Variants in TASOR2 observed in about 807,000 individuals in gnomAD.
TASOR2 encodes the protein transcription activation suppressor family member 2.
A neutral mutation model predicts 199.5 loss-of-function variants in TASOR2; 84 were observed. That is an observed-to-expected ratio of 0.42 (90% confidence interval 0.35 to 0.50). TASOR2 has a LOEUF of 0.50. Among genes scored for constraint, TASOR2 ranks in the 20% least tolerant of loss-of-function variants. TASOR2 has a pLI of 0.02. For synonymous variants in TASOR2, 1,103 were observed against 1,046.6 expected (o/e 1.05, Z -1.04); for missense variants, 2,796 against 2,835.9 (o/e 0.99, Z 0.32).
rs1838689100 is a variant in TASOR2, at chr10:5,706,900, G to T, written c.-287-5923G>T. Among the ~76,000 whole-genome samples, 1 of 152,056 alleles carries T rather than the reference G, an allele frequency of 6.6e-6. No homozygotes were observed. Among genetic ancestry groups the T allele is most frequent in the Non-Finnish European group, 1.5e-5 (1 of 68,020 alleles). Reference sequence around the variant, plus strand: ...CACTTGTAATCCCAGCTACACGGGAGGCCGAGGCAAGAGAGTTGCTTGAAC... The same window carrying T: ...CACTTGTAATCCCAGCTACACGGGATGCCGAGGCAAGAGAGTTGCTTGAAC... On this transcript the variant is annotated intron_variant, in intron 1 of 20. Coordinates refer to ENST00000328090, the Ensembl canonical transcript of TASOR2. This position sits in a 1 kb window ranked among gnomAD's most constrained non-coding sequence, Gnocchi z 4.8.
intron 10 of TASOR2, among the ~76,000 whole-genome samples, chr10:5,729,377 C>T (rs1009174946): frequency 1.3e-5 from 2 of 151,086 alleles, no homozygotes; most frequent in African/African-American, 2.4e-5. Flanking sequence ...ACAAAAAGAC[C>T]AGAGCAATAA....
intron 11 of TASOR2, among the ~76,000 whole-genome samples, chr10:5,731,790 C>G (rs1185587117): frequency 6.6e-6 from 1 of 152,204 alleles, no homozygotes; most frequent in Non-Finnish European, 1.5e-5. Flanking sequence ...ATGTTCCATT[C>G]TAAGAAAGAC....
At chr10:5,724,932 A>G (rs952740618) in intron 8 of TASOR2, among the ~76,000 whole-genome samples, 2 of 152,110 alleles carry the variant, frequency 1.3e-5, no homozygotes, top group Non-Finnish European at 2.9e-5. Context: ...AGTTACAACA[A>G]TATACTGTAA....
chr10:5,689,156 A>T lies in TASOR2; in HGVS notation c.-288+3981A>T, dbSNP rs957932098. Among the ~76,000 whole-genome samples the T allele has an allele frequency of 6.6e-6, 1 of 152,224 alleles. No individual in the cohort carries two copies. The highest frequency in any genetic ancestry group is 1.5e-5 in the Non-Finnish European group (1 of 68,044). On this transcript the variant is annotated intron_variant, in intron 1 of 20. Coordinates refer to ENST00000328090, the Ensembl canonical transcript of TASOR2. The surrounding 1 kb of genome is among the most constrained non-coding windows in gnomAD (Gnocchi z 4.1). The stretch of plus-strand genomic sequence containing the variant: ...AAGTTGGCAATTGTTTTCTTTTAAC[A>T]TGCTGAAGCTCTTATTCCTCTGTCT...
chr10:5,720,100 G>C lies in TASOR2; in HGVS notation c.-99-444G>C, dbSNP rs1338222120. On this transcript the variant is annotated intron_variant, in intron 3 of 20. Coordinates refer to ENST00000328090, the Ensembl canonical transcript of TASOR2. This position sits in a 1 kb window ranked among gnomAD's most constrained non-coding sequence, Gnocchi z 5.3. Reference sequence around the variant, plus strand: ...TTCATGGATAATCAAAACTATTTTTGGCCTTAAGATAATTGTTTTTCTAAG... The same window carrying C: ...TTCATGGATAATCAAAACTATTTTTCGCCTTAAGATAATTGTTTTTCTAAG... 6.6e-6 allele frequency among the ~76,000 whole-genome samples: 1 copy of C among 152,058 alleles called. No individual in the cohort carries two copies. The highest frequency in any genetic ancestry group is 1.5e-5 in the Non-Finnish European group (1 of 67,998).
intron 8 of TASOR2, 190 bp from the exon 10 acceptor site, chr10:5,726,695 A>G: frequency 1.7e-6 from 1 of 592,166 alleles, no homozygotes; most frequent in Non-Finnish European, 3.0e-6. Flanking sequence ...TATAGACCCA[A>G]CAGGGCCAAG....
intron 11 of TASOR2, among the ~76,000 whole-genome samples, chr10:5,732,151 G>A (rs1834906100): frequency 6.6e-6 from 1 of 152,236 alleles, no homozygotes; most frequent in South Asian, 2.1e-4. Context: ...TTAATGTATT[G>A]GCAAATGTAT....
rs1835901352 is a variant in TASOR2, at chr10:5,687,190, TAATA to T, written c.-288+2018_-288+2021del. 6.6e-6 allele frequency among the ~76,000 whole-genome samples: 1 copy of T among 152,230 alleles called. No individual in the cohort carries two copies. Among genetic ancestry groups the T allele is most frequent in the South Asian group, 2.1e-4 (1 of 4,834 alleles). ...TAATGGTATATTTCATAACAAAAAT[TAATA>T]AAAGCTTTAGAAACTTTAGTTAGTT... On this transcript the variant is annotated intron_variant, in intron 1 of 20. Coordinates refer to ENST00000328090, the Ensembl canonical transcript of TASOR2. This position sits in a 1 kb window ranked among gnomAD's most constrained non-coding sequence, Gnocchi z 4.8.
intron 1 of TASOR2, among the ~76,000 whole-genome samples, chr10:5,693,503 C>CTCTGTTTTG (rs1836748145): frequency 6.6e-6 from 1 of 152,096 alleles, no homozygotes; most frequent in South Asian, 2.1e-4. Flanking sequence ...TTAATAGGGT[C>CTCTGTTTTG]ACTTTGTTTT....
At chr10:5,724,400 TAAG>T in intron 7 of TASOR2, 27 bp from the exon 9 acceptor site, 4 of 1,196,768 alleles carry the variant, frequency 3.3e-6, no homozygotes, top group Admixed American at 2.3e-5. Flanking sequence ...GTATTAAAAA[TAAG>T]AAATGTTTTT....
At chr10:5,713,946 A>G (rs1832255073) in intron 2 of TASOR2, 189 bp from the exon 3 acceptor site, 1 of 355,270 alleles carries the variant, frequency 2.8e-6, no homozygotes, top group Non-Finnish European at 5.0e-6. Context: ...CATGCCTGTA[A>G]TCTCAGCATT....
At chr10:5,753,760 A>G (rs572142350) in intron 15 of TASOR2, among the ~76,000 whole-genome samples, 8 of 152,298 alleles carry the variant, frequency 5.3e-5, no homozygotes, top group South Asian at 4.1e-4. Flanking sequence ...GCAGCACTGT[A>G]GTTGAAAAGT....
intron 12 of TASOR2, 76 bp from the exon 14 acceptor site, chr10:5,739,542 C>G: frequency 3.7e-6 from 5 of 1,369,258 alleles, no homozygotes; most frequent in Non-Finnish European, 5.0e-6. Flanking sequence ...GTTGAATTAA[C>G]CATCATAGTA....
At chr10:5,749,288 T>C in exon 15 of TASOR2, 2 of 1,614,250 alleles carry the variant, frequency 1.2e-6, no homozygotes, top group Non-Finnish European at 1.7e-6. Flanking sequence ...AACTGTGGCC[T>C]GCCCAGCTCC....
At position 5,742,307 on chromosome 10, in the gene TASOR2, A is replaced by G; in HGVS notation, c.2538A>G (p.Lys846=). Residue 846 remains lysine (K), a synonymous_variant, in exon 14 of 21, where the codon AAA becomes AAG. Coordinates refer to ENST00000328090, the Ensembl canonical transcript of TASOR2. This position sits in a 1 kb window ranked among gnomAD's most constrained non-coding sequence, Gnocchi z 4.2. ...TTGAGGAGTCCCTTGGTTTGGAAAA[A>G]TGTTCTGCAGACTCTCTGTTGGAGA... The G allele has an allele frequency of 6.2e-7, 1 of 1,614,160 alleles. No individual in the cohort carries two copies. Among genetic ancestry groups the G allele is most frequent in the South Asian group, 1.1e-5 (1 of 91,080 alleles).
chr10:5,758,108 CAT>C (rs1205333929), intron 17 of TASOR2, among the ~76,000 whole-genome samples: 2 of 152,184 alleles, frequency 1.3e-5, no homozygotes, highest in African/African-American at 4.8e-5. Context: ...CTTATTTAAT[CAT>C]CTACTTGAAA....
Position 5,740,413 on chromosome 10 carries a change from A to C in TASOR2, c.2243A>C (p.Lys748Thr). 1 of 1,614,210 alleles carries C rather than the reference A, an allele frequency of 6.2e-7. No homozygotes were observed. Among genetic ancestry groups the C allele is most frequent in the Non-Finnish European group, 8.5e-7 (1 of 1,180,044 alleles). The change falls in exon 13 of 21, where the codon AAA (lysine) becomes ACA (threonine). Residue 748 changes from lysine (K) to threonine (T), a missense_variant. This residue lies in a region of TASOR2 where 847 missense variants were observed against 887.4 expected (regional missense o/e 0.95). Transcript: ENST00000328090. The surrounding 1 kb of genome is among the most constrained non-coding windows in gnomAD (Gnocchi z 5.3). Reference sequence around the variant, plus strand: ...GATGACTCCGTTAAGATCACTTTCAAATGTGAAACAGAATATGCATTCAGT... The same window carrying C: ...GATGACTCCGTTAAGATCACTTTCACATGTGAAACAGAATATGCATTCAGT...
intron 10 of TASOR2, among the ~76,000 whole-genome samples, chr10:5,727,718 A>G (rs1433701228): frequency 1.3e-5 from 2 of 152,186 alleles, no homozygotes; most frequent in African/African-American, 4.8e-5. Context: ...TCTTCCTCCT[A>G]TCTGTCAAAC....
At position 5,701,375 on chromosome 10, in the gene TASOR2, T is replaced by G. The variant is rs1478741833; in HGVS notation, c.-287-11448T>G. On this transcript the variant is annotated intron_variant, in intron 1 of 20. Transcript: ENST00000328090. This position sits in a 1 kb window ranked among gnomAD's most constrained non-coding sequence, Gnocchi z 4.9. ...CCAGTGCTGTAGCTTTGTAGTAAAT[T>G]TTGAAGTCAGGTAGTGTGATGCCTC... Among the ~76,000 whole-genome samples, 1 of 152,154 alleles carries G rather than the reference T, an allele frequency of 6.6e-6. No homozygotes were observed. The highest frequency in any genetic ancestry group is 1.5e-5 in the Non-Finnish European group (1 of 68,014).
Sources: allele counts gnomAD v4.1 joint callset (sites outside exome capture counted in the v4.1 genomes callset), GRCh38; gene constraint gnomAD v4.1.1; regional missense constraint gnomAD v4.1.1; non-coding constraint Gnocchi (gnomAD v3.1); transcripts MANE v1.5; gene names NCBI Gene and HGNC (gene_info 2026-07-23, HGNC 2026-07-21).